The following ASB3 variants were observed in gnomAD, a reference collection of about 807,000 sequenced individuals.
ASB3 encodes ankyrin repeat and SOCS box containing 3.
ASB3 carries 41 observed loss-of-function variants against 54.5 expected under a neutral mutation model. The observed-to-expected ratio is 0.75, with a 90% confidence interval of 0.59 to 0.98. The LOEUF (loss-of-function observed/expected upper bound fraction) is 0.98, where lower values mean the gene tolerates loss of function less well. Among genes scored for constraint, ASB3 ranks in the 50% least tolerant of loss-of-function variants. The pLI, the probability that ASB3 is intolerant of heterozygous loss-of-function variation, is 0.00. For missense variants in ASB3, 733 were observed against 620.0 expected (o/e 1.18, Z -1.94); for synonymous variants, 266 against 221.2 (o/e 1.20, Z -1.80).
At chr2:53,720,934 C>T (rs1425673841) in intron 5 of ASB3, among the ~76,000 whole-genome samples, 2 of 151,796 alleles carry the variant, frequency 1.3e-5, no homozygotes, top group African/African-American at 2.4e-5. Context: ...TTGGCCAACA[C>T]GATGAAACCC....
At chr2:53,727,730 T>C (rs1418883758) in intron 5 of ASB3, among the ~76,000 whole-genome samples, 1 of 152,186 alleles carries the variant, frequency 6.6e-6, no homozygotes, top group Non-Finnish European at 1.5e-5. Context: ...TTTCTTTCTT[T>C]CTTTCTTTTT....
rs1236896773 is a variant in ASB3, at chr2:53,739,958, G to C, written c.356-10388C>G. 2.0e-5 allele frequency among the ~76,000 whole-genome samples: 3 copies of C among 152,146 alleles called. No homozygotes were observed. In the East Asian group the frequency reaches 5.8e-4, roughly 29 times the overall value. On this transcript the variant is annotated intron_variant, in intron 3 of 9. Coordinates refer to ENST00000263634, the MANE Select transcript of ASB3 (RefSeq NM_016115.5). ...CAAAATGTTGAGATTATAGGCATAA[G>C]CCACCACACCCAGCCTAGTCTTTCA...
At chr2:53,743,191 G>C (rs982016780) in intron 3 of ASB3, among the ~76,000 whole-genome samples, 1 of 144,914 alleles carries the variant, frequency 6.9e-6, no homozygotes, top group African/African-American at 2.6e-5. Flanking sequence ...TTGCAGAGAT[G>C]GGGTGGTCTC....
chr2:53,715,159 T>C (rs866548420), intron 6 of ASB3, among the ~76,000 whole-genome samples: 1 of 152,228 alleles, frequency 6.6e-6, no homozygotes, highest in South Asian at 2.1e-4. Context: ...GGCAGATTTA[T>C]AAAGAAGCTG....
At chr2:53,702,542 C>A (rs115348270) in intron 7 of ASB3, among the ~76,000 whole-genome samples, 3 of 151,936 alleles carry the variant, frequency 2.0e-5, no homozygotes, top group South Asian at 2.1e-4. Context: ...TTCAAGTACC[C>A]GAGATTTAAA....
chr2:53,737,191 TC>T (rs2103947496), intron 3 of ASB3, among the ~76,000 whole-genome samples: 1 of 152,202 alleles, frequency 6.6e-6, no homozygotes, highest in African/African-American at 2.4e-5. Flanking sequence ...CAACTGTGAT[TC>T]CCGAGAGAAG....
chr2:53,677,726 A>G (rs920920298), intron 9 of ASB3, among the ~76,000 whole-genome samples: 5 of 152,204 alleles, frequency 3.3e-5, no homozygotes, highest in African/African-American at 1.2e-4. Context: ...AATTTTGTAA[A>G]AAATAATGCA....
chr2:53,747,712 C>G (rs911189869), intron 3 of ASB3, among the ~76,000 whole-genome samples: 1 of 152,042 alleles, frequency 6.6e-6, no homozygotes, highest in African/African-American at 2.4e-5. Context: ...GAATAAAATC[C>G]CTGCCTTAAT....
intron 7 of ASB3, among the ~76,000 whole-genome samples, chr2:53,709,580 T>C (rs1366176081): frequency 6.6e-6 from 1 of 152,180 alleles, no homozygotes; most frequent in African/African-American, 2.4e-5. Context: ...GGGATATTTG[T>C]ACAAAATAAA....
intron 1 of ASB3, among the ~76,000 whole-genome samples, chr2:53,785,617 C>A (rs186786634): frequency 6.6e-5 from 10 of 152,270 alleles, no homozygotes; most frequent in African/African-American, 2.2e-4. Flanking sequence ...CCGAGGAGGG[C>A]GGATCACCCG....
chr2:53,700,245 A>C, intron 8 of ASB3, 26 bp downstream of exon 8: 1 of 1,601,072 alleles, frequency 6.2e-7, no homozygotes, highest in African/African-American at 1.3e-5. Context: ...AAAAAGGGTA[A>C]GCCCGACTAT....
chr2:53,745,657 G>A (rs1260463562), intron 3 of ASB3, among the ~76,000 whole-genome samples: 1 of 152,156 alleles, frequency 6.6e-6, no homozygotes, highest in Non-Finnish European at 1.5e-5. Context: ...GATCCTCTGG[G>A]TTTATATTCT....
intron 3 of ASB3, among the ~76,000 whole-genome samples, chr2:53,750,322 G>A (rs1312156155): frequency 6.6e-6 from 1 of 152,134 alleles, no homozygotes; most frequent in Non-Finnish European, 1.5e-5. Context: ...GTCTGTAACA[G>A]AAGAGGTCTG....
intron 9 of ASB3, among the ~76,000 whole-genome samples, chr2:53,674,564 T>TATC (rs1667981148): frequency 6.6e-6 from 1 of 152,190 alleles, no homozygotes; most frequent in Non-Finnish European, 1.5e-5. Flanking sequence ...ACTATATCTA[T>TATC]ATCATACACA....
intron 7 of ASB3, among the ~76,000 whole-genome samples, chr2:53,702,690 T>C (rs1669556957): frequency 6.6e-6 from 1 of 152,192 alleles, no homozygotes; most frequent in African/African-American, 2.4e-5. Flanking sequence ...AGACCTTATT[T>C]TGGGGGTTTG....
intron 3 of ASB3, among the ~76,000 whole-genome samples, chr2:53,735,092 G>T (rs1671546841): frequency 6.6e-6 from 1 of 151,732 alleles, no homozygotes; most frequent in South Asian, 2.1e-4. Context: ...GATAATTTTT[G>T]TACTTTTAGT....
intron 3 of ASB3, among the ~76,000 whole-genome samples, chr2:53,731,228 C>T (rs901522909): frequency 2.0e-5 from 3 of 152,010 alleles, no homozygotes; most frequent in East Asian, 1.9e-4. Context: ...GGTGAAACCC[C>T]GTCTCTACTA....
At chr2:53,769,694 A>C (rs886067148) in intron 1 of ASB3, among the ~76,000 whole-genome samples, 1 of 152,214 alleles carries the variant, frequency 6.6e-6, no homozygotes, top group African/African-American at 2.4e-5. Context: ...TAAAAATACA[A>C]AATTAGCTGG....
chr2:53,753,877 G>T (rs961884348), intron 2 of ASB3, among the ~76,000 whole-genome samples: 3 of 151,956 alleles, frequency 2.0e-5, no homozygotes, highest in Non-Finnish European at 4.4e-5. Context: ...CTGGCCTCAG[G>T]TGATCTGCCC....
Sources: allele counts gnomAD v4.1 joint callset (sites outside exome capture counted in the v4.1 genomes callset), GRCh38; gene constraint gnomAD v4.1.1; transcripts MANE v1.5; gene names NCBI Gene and HGNC (gene_info 2026-07-23, HGNC 2026-07-21).